The following RBFOX1 variants were observed in gnomAD, a reference collection of about 807,000 sequenced individuals.
RBFOX1 encodes the protein RNA binding protein fox-1 homolog 1.
A neutral mutation model predicts 57.7 loss-of-function variants in RBFOX1; 8 were observed. The observed-to-expected ratio is 0.14, with a 90% CI of 0.08 to 0.25. The LOEUF is 0.25. RBFOX1 is among the 10% of genes least tolerant of loss of function. The pLI, the probability that RBFOX1 is intolerant of heterozygous loss-of-function variation, is 1.00. For synonymous variants in RBFOX1, 326 were observed against 222.4 expected (o/e 1.47, Z -4.15); for missense variants, 611 against 548.5 (o/e 1.11, Z -1.14).
chr16:6,815,481 A>G (rs1033010890), intron 3 of RBFOX1, among the ~76,000 whole-genome samples: 2 of 152,174 alleles, frequency 1.3e-5, no homozygotes, highest in African/African-American at 4.8e-5. Flanking sequence ...CCATTAAAAG[A>G]TGTTAAGGAG....
At chr16:5,922,043 C>T (rs546199262) in intron 4 of RBFOX1, among the ~76,000 whole-genome samples, 1 of 152,070 alleles carries the variant, frequency 6.6e-6, no homozygotes, top group African/African-American at 2.4e-5. Context: ...CTCTTGTGGT[C>T]TCAGCTACTT....
chr16:5,399,128 T>C (rs2066644517), intron 1 of RBFOX1, among the ~76,000 whole-genome samples: 1 of 152,222 alleles, frequency 6.6e-6, no homozygotes, highest in Non-Finnish European at 1.5e-5. Flanking sequence ...AATAGGTATG[T>C]GTGTCAGGGA....
intron 2 of RBFOX1, among the ~76,000 whole-genome samples, chr16:5,577,067 T>C (rs1430525018): frequency 2.6e-5 from 4 of 152,238 alleles, no homozygotes; most frequent in African/African-American, 9.6e-5. Context: ...TTCCAGATTG[T>C]CTAATGCAGG....
chr16:6,706,729 A>G lies in RBFOX1; in HGVS notation c.-16+52079A>G, dbSNP rs62015886. ...CTGCAGTCTTTTTTTTTTTTTTTTA[A>G]TAGAGTGTGTGGCAGAGTTCCAATC... On this transcript the variant is annotated intron_variant, in intron 3 of 15. Transcript: ENST00000550418. 2.9e-4 allele frequency among the ~76,000 whole-genome samples: 38 copies of G among 129,636 alleles called. 2 individuals carry two copies. In the South Asian group the frequency reaches 8.9e-3, roughly 30 times the overall value. 85.0% of individuals were successfully genotyped at this position (129,636 alleles called of 152,430 possible). A position where few individuals can be genotyped will look rare whatever the true frequency, so the allele number is the denominator to read the frequency against.
At chr16:6,208,258 G>A (rs1156878818) in intron 1 of RBFOX1, among the ~76,000 whole-genome samples, 1 of 152,062 alleles carries the variant, frequency 6.6e-6, no homozygotes, top group African/African-American at 2.4e-5. Context: ...TGGGTGATGG[G>A]ATATGGAATT....
chr16:6,941,800 G>A (rs1160188569), intron 3 of RBFOX1, among the ~76,000 whole-genome samples: 1 of 152,112 alleles, frequency 6.6e-6, no homozygotes, highest in African/African-American at 2.4e-5. Flanking sequence ...CCCTATTGGA[G>A]GACCTAACAA....
At chr16:5,747,947 G>T (rs112671627) in intron 3 of RBFOX1, among the ~76,000 whole-genome samples, 3 of 151,988 alleles carry the variant, frequency 2.0e-5, no homozygotes, top group African/African-American at 7.3e-5. Context: ...TGCTTCTTTA[G>T]TTCTTTTAAT....
At chr16:7,695,027 C>G (rs553213799) in intron 14 of RBFOX1, among the ~76,000 whole-genome samples, 1 of 152,302 alleles carries the variant, frequency 6.6e-6, no homozygotes, top group Non-Finnish European at 1.5e-5. Context: ...CACAATATTT[C>G]TAAGAAAGGC....
At chr16:6,448,422 G>A (rs1207704207) in intron 2 of RBFOX1, among the ~76,000 whole-genome samples, 6 of 152,004 alleles carry the variant, frequency 3.9e-5, no homozygotes, top group Non-Finnish European at 1.5e-5. Flanking sequence ...CTCCCAAAGT[G>A]CTGGGATTAC....
intron 2 of RBFOX1, among the ~76,000 whole-genome samples, chr16:6,540,069 C>A (rs760396926): frequency 6.6e-6 from 1 of 152,080 alleles, no homozygotes; most frequent in South Asian, 2.1e-4. Flanking sequence ...CGTGACTTGA[C>A]TTTGATGAAA....
intron 1 of RBFOX1, among the ~76,000 whole-genome samples, chr16:6,115,033 C>T (rs1207494099): frequency 6.6e-6 from 1 of 152,032 alleles, no homozygotes; most frequent in East Asian, 1.9e-4. Context: ...CAGTAGCTTC[C>T]AGGTTGTTGT....
At chr16:6,904,229 G>C (rs1213059079) in intron 3 of RBFOX1, among the ~76,000 whole-genome samples, 3 of 152,140 alleles carry the variant, frequency 2.0e-5, no homozygotes, top group Non-Finnish European at 2.9e-5. Flanking sequence ...GCACATGTGT[G>C]TTCTAAACTG....
At chr16:5,965,022 T>A (rs549993275) in intron 4 of RBFOX1, among the ~76,000 whole-genome samples, 1 of 152,164 alleles carries the variant, frequency 6.6e-6, no homozygotes, top group African/African-American at 2.4e-5. Flanking sequence ...CTAGGTGAAG[T>A]AAGCCAGATA....
At chr16:6,974,561 T>C (rs1374973749) in intron 3 of RBFOX1, among the ~76,000 whole-genome samples, 1 of 151,996 alleles carries the variant, frequency 6.6e-6, no homozygotes, top group Non-Finnish European at 1.5e-5. Context: ...GCCAGGCTGG[T>C]CTTGATCTCC....
chr16:6,178,314 G>A (rs1298802891), intron 1 of RBFOX1, among the ~76,000 whole-genome samples: 1 of 148,608 alleles, frequency 6.7e-6, no homozygotes, highest in Non-Finnish European at 1.5e-5. Context: ...AGCCTCCCAA[G>A]TAGCTGGGAT....
chr16:5,637,377 G>A (rs1408476133), intron 3 of RBFOX1, among the ~76,000 whole-genome samples: 1 of 152,068 alleles, frequency 6.6e-6, no homozygotes, highest in African/African-American at 2.4e-5. Context: ...GTTTCCAGGG[G>A]GCTCATTTCT....
chr16:5,809,152 C>T (rs1052319904), intron 3 of RBFOX1, among the ~76,000 whole-genome samples: 3 of 152,180 alleles, frequency 2.0e-5, no homozygotes, highest in East Asian at 1.9e-4. Flanking sequence ...CCCTTCCTTA[C>T]ACCTTATACA....
intron 4 of RBFOX1, among the ~76,000 whole-genome samples, chr16:5,983,618 T>G (rs1268791563): frequency 6.6e-6 from 1 of 152,092 alleles, no homozygotes; most frequent in Non-Finnish European, 1.5e-5. Context: ...TGGTCCTTGT[T>G]TTTTGAAACC....
At chr16:6,707,649 A>C (rs2063000136) in intron 3 of RBFOX1, among the ~76,000 whole-genome samples, 1 of 152,070 alleles carries the variant, frequency 6.6e-6, no homozygotes, top group African/African-American at 2.4e-5. Flanking sequence ...CGTCTCCAGA[A>C]AGGAAGGGCA....
Sources: allele counts gnomAD v4.1 joint callset (sites outside exome capture counted in the v4.1 genomes callset), GRCh38; gene constraint gnomAD v4.1.1; transcripts MANE v1.5; gene names NCBI Gene and HGNC (gene_info 2026-07-23, HGNC 2026-07-21).